The following ZFYVE9 variants were observed in gnomAD, a reference collection of about 807,000 sequenced individuals.
ZFYVE9 encodes zinc finger FYVE-type containing 9, also known as zinc finger FYVE domain-containing protein 9.
In ZFYVE9, 43 loss-of-function variants were observed where a neutral mutation model predicts 126.7. The ratio of observed to expected loss-of-function variants is 0.34; its 90% confidence interval spans 0.27 to 0.44. ZFYVE9 has a LOEUF of 0.44. Ranked by LOEUF, ZFYVE9 falls within the 20% of genes least tolerant of loss-of-function variation. The pLI is 1.00. For synonymous variants in ZFYVE9, 521 were observed against 597.4 expected, an observed-to-expected ratio of 0.87 and a Z score of 1.87; for missense variants, 1,476 against 1,697.0, an observed-to-expected ratio of 0.87 and a Z score of 2.29.
At chr1:52,199,456 T>C (rs1165492392) in intron 1 of ZFYVE9, among the ~76,000 whole-genome samples, 1 of 152,226 alleles carries the variant, frequency 6.6e-6, no homozygotes, top group Non-Finnish European at 1.5e-5. Context: ...GAGATTGGCT[T>C]CTTTCACTTA....
At chr1:52,342,269 T>TA (rs1300167934) in intron 17 of ZFYVE9, among the ~76,000 whole-genome samples, 3 of 131,774 alleles carry the variant, frequency 2.3e-5, no homozygotes, top group South Asian at 2.1e-4. Flanking sequence ...TATTTTGCCT[T>TA]TTTTTTTTTT....
chr1:52,321,156 CTT>C (rs2147859099), intron 13 of ZFYVE9, among the ~76,000 whole-genome samples: 1 of 152,302 alleles, frequency 6.6e-6, no homozygotes, highest in East Asian at 1.9e-4. Flanking sequence ...CTTTCCCACT[CTT>C]AAGCTTCTAA....
chr1:52,320,290 G>A (rs542258566), intron 13 of ZFYVE9, among the ~76,000 whole-genome samples: 3 of 151,884 alleles, frequency 2.0e-5, no homozygotes, highest in Non-Finnish European at 4.4e-5. Flanking sequence ...GGCTGGTCTC[G>A]AACTCCTGAC....
At chr1:52,334,379 C>T (rs573154535) in intron 14 of ZFYVE9, among the ~76,000 whole-genome samples, 38 of 152,240 alleles carry the variant, frequency 2.5e-4, no homozygotes, top group Non-Finnish European at 5.0e-4. Flanking sequence ...AGGCTGGAGG[C>T]CAGGCAGGCT....
intron 13 of ZFYVE9, among the ~76,000 whole-genome samples, chr1:52,312,315 T>C (rs976342737): frequency 6.6e-5 from 10 of 152,280 alleles, no homozygotes; most frequent in East Asian, 5.8e-4. Context: ...TATAAAGGAA[T>C]AGCACAGCAT....
At chr1:52,178,130 T>G (rs542255230) in intron 1 of ZFYVE9, among the ~76,000 whole-genome samples, 1 of 151,314 alleles carries the variant, frequency 6.6e-6, no homozygotes, top group Non-Finnish European at 1.5e-5. Flanking sequence ...ATACAAAAAA[T>G]TAGCTGGGTG....
At chr1:52,265,091 G>A (rs550012717) in intron 5 of ZFYVE9, among the ~76,000 whole-genome samples, 3 of 152,294 alleles carry the variant, frequency 2.0e-5, no homozygotes, top group African/African-American at 7.2e-5. Flanking sequence ...TAAAGATGAA[G>A]GAAATGGCAG....
chr1:52,281,904 G>A (rs1216870076), intron 10 of ZFYVE9, 88 bp downstream of exon 10: 3 of 1,485,690 alleles, frequency 2.0e-6, no homozygotes, highest in African/African-American at 1.4e-5. Flanking sequence ...CTTAACTTTG[G>A]ACTTAAGCAT....
rs565405801 is a variant in ZFYVE9 at position 52,306,938 on chromosome 1, A to G, written c.3438+3013A>G. On this transcript the variant is annotated intron_variant, in intron 13 of 18. Coordinates refer to ENST00000287727, the MANE Select transcript of ZFYVE9 (RefSeq NM_004799.4). ...CTGCTCCATGCCTGGCTCACCCTTG[A>G]CAGACATGGGATCCAGGCTGGTAGT... Among the ~76,000 whole-genome samples, 7 of 152,282 alleles carry G rather than the reference A, an allele frequency of 4.6e-5. No individual in the cohort carries two copies. In the South Asian group the frequency reaches 1.5e-3, roughly 32 times the overall value.
chr1:52,238,924 A>G lies in ZFYVE9; in HGVS notation c.1507A>G (p.Thr503Ala). 6.2e-7 allele frequency: 1 copy of G among 1,613,966 alleles called. No homozygotes were observed. The change falls in exon 4 of 19, where the codon ACA becomes GCA. Residue 503 changes from threonine (T) to alanine (A), a missense_variant. By Grantham distance (58) the Thr-to-Ala change is moderately conservative. Around this residue, in one of 2 missense-constraint regions of ZFYVE9, gnomAD observed 807 missense variants for 794.6 expected, o/e 1.02. Transcript: ENST00000287727. ...TTTACCCTCCAAAGAAGATTCAGTA[A>G]CAGAAGAAAAAGAAATAGAGGAAAG... ...KTLPSKEDSV[T>A]EEKEIEESKS...
chr1:52,203,467 CTTT>C (rs143649191), intron 1 of ZFYVE9, among the ~76,000 whole-genome samples: 75,217 of 90,190 alleles, frequency 0.83, 30,439 homozygotes, highest in South Asian at 0.91. Flanking sequence ...ACAGACCCGT[CTTT>C]TTTTTTTTTT....
At chr1:52,278,001 T>C (rs1035715359) in intron 8 of ZFYVE9, among the ~76,000 whole-genome samples, 14 of 152,190 alleles carry the variant, frequency 9.2e-5, no homozygotes, top group Non-Finnish European at 1.6e-4. Context: ...TTTTAAAGTT[T>C]AAGTTTTTAA....
intron 1 of ZFYVE9, among the ~76,000 whole-genome samples, chr1:52,152,543 A>G (rs1293780667): frequency 6.6e-6 from 1 of 152,160 alleles, no homozygotes; most frequent in Admixed American, 6.5e-5. Flanking sequence ...TCTAGTATAT[A>G]TCCTTTTGCT....
At chr1:52,260,256 G>A (rs1216403065) in intron 4 of ZFYVE9, among the ~76,000 whole-genome samples, 1 of 150,998 alleles carries the variant, frequency 6.6e-6, no homozygotes, top group Non-Finnish European at 1.5e-5. Context: ...AAAACTCATT[G>A]TTTTATTTTG....
At chr1:52,179,357 G>A (rs189666617) in intron 1 of ZFYVE9, among the ~76,000 whole-genome samples, 6 of 152,310 alleles carry the variant, frequency 3.9e-5, no homozygotes, top group East Asian at 1.9e-4. Flanking sequence ...ATTTAAGGCC[G>A]GGCGTGGTGG....
intron 4 of ZFYVE9, among the ~76,000 whole-genome samples, chr1:52,247,164 T>C (rs1488737702): frequency 1.3e-5 from 2 of 152,170 alleles, no homozygotes; most frequent in Non-Finnish European, 1.5e-5. Context: ...CTGGTTGGGC[T>C]CCTTGGGAAG....
chr1:52,155,823 T>C (rs2124502975), intron 1 of ZFYVE9, among the ~76,000 whole-genome samples: 1 of 152,294 alleles, frequency 6.6e-6, no homozygotes, highest in East Asian at 1.9e-4. Flanking sequence ...TGCTTCCTTT[T>C]TTGTAGTTGG....
At chr1:52,254,073 C>A (rs1338616272) in intron 4 of ZFYVE9, 1 of 770,336 alleles carries the variant, frequency 1.3e-6, no homozygotes, top group African/African-American at 1.7e-5. Context: ...GAAAAGACAC[C>A]CACCCATATG....
chr1:52,281,528 A>G (rs1569662820), intron 9 of ZFYVE9, 133 bp from the exon 10 acceptor site: 10 of 1,014,182 alleles, frequency 9.9e-6, no homozygotes, highest in South Asian at 1.7e-5. Context: ...GACAGTTCAC[A>G]GTTGAATTAT....
Sources: allele counts gnomAD v4.1 joint callset (sites outside exome capture counted in the v4.1 genomes callset), GRCh38; gene constraint gnomAD v4.1.1; regional missense constraint gnomAD v4.1.1; transcripts MANE v1.5; gene names NCBI Gene and HGNC (gene_info 2026-07-23, HGNC 2026-07-21).